Variants in CFAP221 observed in about 807,000 individuals in gnomAD.
CFAP221 encodes cilia and flagella associated protein 221, also known as cilia- and flagella-associated protein 221.
A neutral mutation model predicts 113.1 loss-of-function variants in CFAP221; 97 were observed. The observed-to-expected ratio is 0.86, with a 90% confidence interval of 0.73 to 1.02. The LOEUF is 1.02. CFAP221 is among the 50% of genes least tolerant of loss of function. The pLI is 0.00. For missense variants in CFAP221, 1,025 were observed against 1,013.4 expected, an observed-to-expected ratio of 1.01 and a Z score of -0.16; for synonymous variants, 331 against 354.4, an observed-to-expected ratio of 0.93 and a Z score of 0.74.
At chr2:119,655,366 G>A (rs934044919) in intron 23 of CFAP221, among the ~76,000 whole-genome samples, 2 of 152,074 alleles carry the variant, frequency 1.3e-5, no homozygotes, top group Non-Finnish European at 1.5e-5. Flanking sequence ...AGGGGAGACA[G>A]GATCTATATA....
intron 7 of CFAP221, among the ~76,000 whole-genome samples, chr2:119,596,220 C>G (rs1016794966): frequency 6.6e-6 from 1 of 152,026 alleles, no homozygotes; most frequent in African/African-American, 2.4e-5. Context: ...GAGGTTGGCT[C>G]GGATGGGTGG....
intron 7 of CFAP221, 53 bp from the exon 8 acceptor site, chr2:119,601,165 C>T (rs915011630): frequency 1.4e-6 from 2 of 1,431,858 alleles, no homozygotes; most frequent in African/African-American, 1.4e-5. Context: ...CAGCATGTGA[C>T]TGGACTTGGC....
intron 6 of CFAP221, among the ~76,000 whole-genome samples, chr2:119,570,498 A>C (rs1481061087): frequency 1.3e-5 from 2 of 152,182 alleles, no homozygotes; most frequent in Non-Finnish European, 2.9e-5. Flanking sequence ...AACCCCCCCA[A>C]AAAAACCCAT....
Position 119,604,727 on chromosome 2 carries a change from GA to G in CFAP221, c.852del (p.Ala285GlnfsTer2). 6.4e-7 allele frequency: 1 copy of G among 1,550,502 alleles called. No individual in the cohort carries two copies. The highest frequency in any genetic ancestry group is 8.7e-7 in the Non-Finnish European group (1 of 1,153,562). On this transcript the variant is annotated frameshift_variant, in exon 9 of 24. Coordinates refer to ENST00000413369, the MANE Select transcript of CFAP221 (RefSeq NM_001271049.2). LOFTEE classifies it high-confidence loss of function. ...TTCTAAGAAAGTAAACGTTCCTCCA[GA>G]AAAAGCAATGATGCATATAAATTTT... ...TLSKKVNVPP[E>X]KAMMHINFHR... is the part of the protein sequence containing the mutation.
chr2:119,625,658 A>G lies in CFAP221; in HGVS notation c.1486A>G (p.Ile496Val). 6.2e-7 allele frequency: 1 copy of G among 1,613,148 alleles called. No individual in the cohort carries two copies. Among genetic ancestry groups the G allele is most frequent in the Admixed American group, 1.7e-5 (1 of 60,018 alleles). ...EMDKESILRK[I>V]GQAKQSIAQE... ...GGACAAAGAGAGTATACTGAGAAAG[A>G]TTGGCCAAGCAAAACAATCGATAGC... is the stretch of plus-strand genomic sequence containing the variant. Residue 496 changes from isoleucine (I) to valine (V), a missense_variant, in exon 15 of 24, where the codon ATT becomes GTT. Transcript: ENST00000413369.
At chr2:119,547,478 G>A (rs1008718129) in intron 2 of CFAP221, among the ~76,000 whole-genome samples, 5 of 152,258 alleles carry the variant, frequency 3.3e-5, no homozygotes, top group Admixed American at 3.3e-4. Context: ...ACAATCACTT[G>A]AACCCAGGAG....
chr2:119,638,518 C>T (rs1174530487), intron 20 of CFAP221, 101 bp downstream of exon 20: 16 of 1,431,088 alleles, frequency 1.1e-5, no homozygotes, highest in African/African-American at 7.0e-5. Flanking sequence ...AAAGGTTTGC[C>T]GCCACAGCTG....
Position 119,561,969 on chromosome 2 carries a change from G to A in CFAP221, c.427-45G>A, listed in dbSNP as rs756801741. ...GCATCTACAAGTTTGTCTAAAAGTT[G>A]TAGTCTTCAGAATGTTAAACTTGAC... On this transcript the variant is annotated intron_variant, in intron 5 of 23. Transcript: ENST00000413369. 1.5e-5 allele frequency: 18 copies of A among 1,232,598 alleles called. No individual in the cohort carries two copies. In the South Asian group the frequency reaches 1.9e-4, roughly 13 times the overall value. 76.4% of individuals were successfully genotyped at this position (1,232,598 alleles called of 1,614,324 possible). A position where few individuals can be genotyped will look rare whatever the true frequency, so the allele number is the denominator to read the frequency against.
At chr2:119,638,131 C>A in intron 19 of CFAP221, 128 bp from the exon 20 acceptor site, 2 of 890,856 alleles carry the variant, frequency 2.2e-6, no homozygotes, top group Non-Finnish European at 3.3e-6. Flanking sequence ...CTTTTCCAGA[C>A]AAGCTGACAT....
intron 23 of CFAP221, among the ~76,000 whole-genome samples, chr2:119,652,968 T>A (rs559107392): frequency 6.7e-6 from 1 of 148,700 alleles, no homozygotes; most frequent in East Asian, 1.9e-4. Context: ...ATTTATATTA[T>A]GTATTTATAT....
intron 12 of CFAP221, 62 bp downstream of exon 12, chr2:119,608,651 A>G: frequency 1.5e-6 from 2 of 1,374,980 alleles, no homozygotes; most frequent in East Asian, 2.3e-5. Context: ...TTCCTACTAT[A>G]TGCAAGATGC....
At chr2:119,615,527 T>A (rs1323163086) in intron 13 of CFAP221, 84 bp from the exon 14 acceptor site, 1 of 1,002,442 alleles carries the variant, frequency 1.0e-6, no homozygotes, top group Non-Finnish European at 1.5e-6. Context: ...TGATTTGGGA[T>A]CAAACTCTAA....
intron 8 of CFAP221, among the ~76,000 whole-genome samples, chr2:119,603,090 GA>G (rs1684478180): frequency 6.6e-6 from 1 of 152,044 alleles, no homozygotes; most frequent in Non-Finnish European, 1.5e-5. Context: ...TTCTGAACAG[GA>G]AAAAATACTG....
chr2:119,624,713 C>A (rs1432107028), intron 14 of CFAP221, among the ~76,000 whole-genome samples: 1 of 152,134 alleles, frequency 6.6e-6, no homozygotes, highest in African/African-American at 2.4e-5. Context: ...AGTTCATGTC[C>A]TTTGCAGGGA....
intron 15 of CFAP221, among the ~76,000 whole-genome samples, chr2:119,626,979 C>T (rs1574172620): frequency 1.3e-5 from 2 of 151,808 alleles, no homozygotes; most frequent in South Asian, 4.2e-4. Flanking sequence ...CCCAGCTTGG[C>T]TGGGACTGTT....
At chr2:119,554,049 A>C (rs1680609082) in intron 3 of CFAP221, among the ~76,000 whole-genome samples, 1 of 152,260 alleles carries the variant, frequency 6.6e-6, no homozygotes, top group Admixed American at 6.5e-5. Flanking sequence ...TCTTAATAAC[A>C]TTCTCGGAAA....
chr2:119,591,697 A>G (rs536279699), intron 7 of CFAP221, among the ~76,000 whole-genome samples: 4 of 152,300 alleles, frequency 2.6e-5, no homozygotes, highest in African/African-American at 9.6e-5. Flanking sequence ...TCACACCTCT[A>G]CTGCCCATAC....
chr2:119,631,225 A>C (rs969291344), intron 19 of CFAP221: 1 of 451,738 alleles, frequency 2.2e-6, no homozygotes, highest in African/African-American at 2.1e-5. Context: ...ACAAACAAAA[A>C]ATCTGTGGGA....
At position 119,629,960 on chromosome 2, in the gene CFAP221, G is replaced by A. The variant is rs771257798; in HGVS notation, c.1731+5G>A. On this transcript the variant is annotated splice_donor_5th_base_variant and intron_variant, in intron 17 of 23. Transcript: ENST00000413369. Reference sequence around the variant, plus strand: ...TATTCCTTCTTCAATCTGCAGGTCAGACCTGTCACATAAATTAATTAATTG... The same window carrying A: ...TATTCCTTCTTCAATCTGCAGGTCAAACCTGTCACATAAATTAATTAATTG... 12 of 1,592,808 alleles carry A rather than the reference G, an allele frequency of 7.5e-6. No homozygotes were observed. The highest frequency in any genetic ancestry group is 1.0e-5 in the Non-Finnish European group (12 of 1,165,846).
Sources: gnomAD v4.1 joint callset for allele counts (sites outside exome capture counted in the v4.1 genomes callset) on GRCh38, gnomAD v4.1.1 for gene constraint, MANE v1.5 for transcripts, NCBI Gene and HGNC (gene_info 2026-07-23, HGNC 2026-07-21) for gene names.